SLC25A33: variants seen among roughly 807,000 people sequenced by gnomAD.
SLC25A33 encodes the protein solute carrier family 25 member 33.
In SLC25A33, 15 loss-of-function variants were observed where a neutral mutation model predicts 35.5. The ratio of observed to expected loss-of-function variants is 0.42; its 90% confidence interval spans 0.28 to 0.65. The LOEUF (loss-of-function observed/expected upper bound fraction) is 0.65, where lower values mean the gene tolerates loss of function less well. Ranked by LOEUF, SLC25A33 falls within the 30% of genes least tolerant of loss-of-function variation. The probability of loss-of-function intolerance (pLI) is 0.20; values close to 1 mark genes in which losing one functional copy is unlikely to be tolerated. For missense variants in SLC25A33, 257 were observed against 398.5 expected (o/e 0.64, Z 3.02); for synonymous variants, 136 against 148.7 (o/e 0.91, Z 0.62).
At chr1:9,560,437 G>A (rs376131102) in intron 2 of SLC25A33, among the ~76,000 whole-genome samples, 3 of 151,778 alleles carry the variant, frequency 2.0e-5, no homozygotes, top group African/African-American at 7.2e-5. Context: ...GGCGGTGGGC[G>A]CCTGTAATCC....
chr1:9,554,927 A>G (rs1191624340), intron 2 of SLC25A33, among the ~76,000 whole-genome samples: 11 of 152,122 alleles, frequency 7.2e-5, no homozygotes, highest in African/African-American at 9.7e-5. Context: ...GAGATGCTCT[A>G]TAATTAATAG....
chr1:9,549,992 T>TATATACATAC (rs1245031783), intron 1 of SLC25A33, among the ~76,000 whole-genome samples: 2 of 99,774 alleles, frequency 2.0e-5, no homozygotes, highest in African/African-American at 9.7e-5. Context: ...ATATTTTTTC[T>TATATACATAC]ATACATATAT....
chr1:9,580,380 C>A (rs2100415759), intron 6 of SLC25A33, 146 bp downstream of exon 6: 1 of 1,040,348 alleles, frequency 9.6e-7, no homozygotes, highest in Non-Finnish European at 1.4e-6. Flanking sequence ...GCTCTAACCG[C>A]ATGGACAGAG....
At chr1:9,549,621 CTTTT>C (rs869101305) in intron 1 of SLC25A33, among the ~76,000 whole-genome samples, 1 of 135,154 alleles carries the variant, frequency 7.4e-6, no homozygotes. Flanking sequence ...CATCACAAAC[CTTTT>C]TTTTTTTTTT....
chr1:9,545,701 A>G (rs1000908757), intron 1 of SLC25A33, among the ~76,000 whole-genome samples: 5 of 149,144 alleles, frequency 3.4e-5, no homozygotes, highest in Non-Finnish European at 5.9e-5. Flanking sequence ...GCGCCCAGCC[A>G]ATCCCAGCAC....
chr1:9,580,724 C>T (rs372201669), intron 6 of SLC25A33, among the ~76,000 whole-genome samples: 11 of 151,728 alleles, frequency 7.2e-5, no homozygotes, highest in African/African-American at 2.4e-4. Context: ...GGCGTGGTGG[C>T]GCACGCCTGT....
chr1:9,550,176 TG>T (rs374284347), intron 1 of SLC25A33, among the ~76,000 whole-genome samples: 88 of 150,506 alleles, frequency 5.8e-4, no homozygotes, highest in African/African-American at 2.1e-3. Flanking sequence ...AATTTGTTTT[TG>T]TTTTTGTAGA....
intron 6 of SLC25A33, among the ~76,000 whole-genome samples, chr1:9,581,885 G>A (rs1179778472): frequency 6.6e-6 from 1 of 152,050 alleles, no homozygotes; most frequent in Non-Finnish European, 1.5e-5. Context: ...AGCTGAGGTG[G>A]GAAATAGACA....
chr1:9,552,912 T>A (rs1643286400), intron 1 of SLC25A33, among the ~76,000 whole-genome samples: 2 of 83,000 alleles, frequency 2.4e-5, no homozygotes, highest in Non-Finnish European at 2.2e-5. Context: ...GATTTCAACT[T>A]TTTTTTTTTT....
chr1:9,552,196 GA>G (rs917402986), intron 1 of SLC25A33, among the ~76,000 whole-genome samples: 27 of 152,212 alleles, frequency 1.8e-4, no homozygotes, highest in African/African-American at 6.5e-4. Context: ...GAAACACAAG[GA>G]CTTCATTGTT....
rs548358699 is a variant in SLC25A33, at chr1:9,581,768, A to G, written c.764-531A>G. 3.3e-5 allele frequency among the ~76,000 whole-genome samples: 5 copies of G among 151,742 alleles called. No homozygotes were observed. The South Asian group carries it at 1.0e-3, about 32-fold the overall frequency. ...AAAAAGTTATTTTGTACTTTCGTGT[A>G]TGTGTAAGTGTCCATAGTTGACCAA... On this transcript the variant is annotated intron_variant, in intron 6 of 6. Transcript: ENST00000302692.
chr1:9,572,977 G>GCAGAT (rs1557535568), intron 4 of SLC25A33, among the ~76,000 whole-genome samples: 1 of 151,974 alleles, frequency 6.6e-6, no homozygotes, highest in Admixed American at 6.6e-5. Flanking sequence ...AACCAAATAA[G>GCAGAT]CAGATCAGTC....
In SLC25A33 at chr1:9,584,255, A is replaced by C. The variant is rs981983639; in HGVS notation, c.*1754A>C. 6.6e-6 allele frequency: 1 copy of C among 152,212 alleles called. No homozygotes were observed. Among genetic ancestry groups the C allele is most frequent in the African/African-American group, 2.4e-5 (1 of 41,450 alleles). 9.4% of individuals were successfully genotyped at this position (152,212 alleles called of 1,614,324 possible). ...TAGGGTTAAGAGGAGGATATTTCCA[A>C]GTTATTTTAAATTGAGTTTACTTTT... On this transcript the variant is annotated 3_prime_UTR_variant, in exon 7 of 7. Coordinates refer to ENST00000302692, the MANE Select transcript of SLC25A33 (RefSeq NM_032315.3).
chr1:9,547,456 A>G (rs1467018346), intron 1 of SLC25A33, among the ~76,000 whole-genome samples: 2 of 152,152 alleles, frequency 1.3e-5, no homozygotes, highest in African/African-American at 4.8e-5. Flanking sequence ...AAAGAGAAAA[A>G]AAAAAAAAGG....
Position 9,584,159 on chromosome 1 carries a change from G to A in SLC25A33, c.*1658G>A, listed in dbSNP as rs1260945072. ...GTACATGAAGGTTGGTTTTCAATTT[G>A]AACGTCTAGAAAGATACTCATTTCT... is the stretch of plus-strand genomic sequence containing the variant. On this transcript the variant is annotated 3_prime_UTR_variant, in exon 7 of 7. Transcript: ENST00000302692. 1.3e-5 allele frequency: 2 copies of A among 152,160 alleles called. No individual in the cohort carries two copies. The highest frequency in any genetic ancestry group is 2.9e-5 in the Non-Finnish European group (2 of 68,032). The allele number at this position is 152,160 out of a possible 1,614,324, so 9.4% of individuals were successfully genotyped here. A position where few individuals can be genotyped will look rare whatever the true frequency, so the allele number is the denominator to read the frequency against.
intron 5 of SLC25A33, 115 bp from the exon 6 acceptor site, chr1:9,579,839 G>C: frequency 2.4e-6 from 3 of 1,257,996 alleles, no homozygotes. Flanking sequence ...TAGGAGCCAG[G>C]AAACAAGTAT....
At chr1:9,556,911 T>C (rs1643352457) in intron 2 of SLC25A33, among the ~76,000 whole-genome samples, 1 of 152,198 alleles carries the variant, frequency 6.6e-6, no homozygotes, top group South Asian at 2.1e-4. Flanking sequence ...GAGCCATCAC[T>C]TATATATGAA....
intron 5 of SLC25A33, among the ~76,000 whole-genome samples, chr1:9,575,819 G>T (rs1643655223): frequency 6.6e-6 from 1 of 152,190 alleles, no homozygotes; most frequent in African/African-American, 2.4e-5. Context: ...CACTTGTTCA[G>T]ACTCTTTTGA....
At chr1:9,576,232 A>G (rs1643659645) in intron 5 of SLC25A33, among the ~76,000 whole-genome samples, 1 of 152,206 alleles carries the variant, frequency 6.6e-6, no homozygotes, top group African/African-American at 2.4e-5. Context: ...CCTAGCTTCT[A>G]GGAACTTACA....
Sources: gnomAD v4.1 joint callset for allele counts (sites outside exome capture counted in the v4.1 genomes callset) on GRCh38, gnomAD v4.1.1 for gene constraint, MANE v1.5 for transcripts, NCBI Gene and HGNC (gene_info 2026-07-23, HGNC 2026-07-21) for gene names.